Variants in CNTFR observed in about 807,000 individuals in gnomAD.
CNTFR encodes the protein ciliary neurotrophic factor receptor subunit alpha.
Under a neutral mutation model 40.4 loss-of-function variants are expected in CNTFR, and 12 were observed. The ratio of observed to expected loss-of-function variants is 0.30; its 90% CI spans 0.19 to 0.48. CNTFR has a LOEUF of 0.48. Among genes scored for constraint, CNTFR ranks in the 20% least tolerant of loss-of-function variants. The probability of loss-of-function intolerance (pLI) is 0.99; values close to 1 mark genes in which losing one functional copy is unlikely to be tolerated. For missense variants in CNTFR, 414 were observed against 506.8 expected (o/e 0.82, Z 1.76); for synonymous variants, 202 against 209.6 (o/e 0.96, Z 0.31).
At chr9:34,577,433 C>T (rs1564072638) in intron 2 of CNTFR, among the ~76,000 whole-genome samples, 1 of 152,184 alleles carries the variant, frequency 6.6e-6, no homozygotes, top group East Asian at 1.9e-4. Flanking sequence ...GTAAGGAAAC[C>T]AGGTGACAGG....
chr9:34,553,362 C>G (rs1825712249), intron 7 of CNTFR, among the ~76,000 whole-genome samples: 1 of 152,158 alleles, frequency 6.6e-6, no homozygotes. Context: ...AGTGAGGTGA[C>G]CAAGTTACTT....
intron 2 of CNTFR, among the ~76,000 whole-genome samples, chr9:34,574,196 C>T (rs1329475250): frequency 6.6e-6 from 1 of 152,068 alleles, no homozygotes; most frequent in Non-Finnish European, 1.5e-5. Context: ...CCGGCAGGCC[C>T]CTCACCAGGG....
chr9:34,576,270 C>T (rs1826956918), intron 2 of CNTFR, among the ~76,000 whole-genome samples: 1 of 152,204 alleles, frequency 6.6e-6, no homozygotes, highest in South Asian at 2.1e-4. Flanking sequence ...GGTGTGCGTG[C>T]ACACATTACA....
At chr9:34,584,662 G>A (rs150873438) in intron 1 of CNTFR, among the ~76,000 whole-genome samples, 19 of 152,308 alleles carry the variant, frequency 1.2e-4, no homozygotes, top group African/African-American at 3.8e-4. Context: ...CCATTCCCCC[G>A]AGGGAATTTC....
intron 1 of CNTFR, among the ~76,000 whole-genome samples, chr9:34,581,986 C>T (rs1194196844): frequency 6.6e-6 from 1 of 152,188 alleles, no homozygotes; most frequent in Non-Finnish European, 1.5e-5. Flanking sequence ...TCAAAACAAG[C>T]TTCAAGGCCA....
At chr9:34,582,276 CAAAAAAAAAAAAA>C in intron 1 of CNTFR, 1 of 126,548 alleles carries the variant, frequency 7.9e-6, no homozygotes, top group Admixed American at 7.9e-5. Context: ...AACCCTATGG[CAAAAAAAAAAAAA>C]AAAAAAAACA....
intron 2 of CNTFR, among the ~76,000 whole-genome samples, chr9:34,579,221 G>C (rs762280246): frequency 6.6e-6 from 1 of 152,108 alleles, no homozygotes; most frequent in African/African-American, 2.4e-5. Context: ...GGGCTGGAAC[G>C]GGGGAGGGAG....
intron 2 of CNTFR, among the ~76,000 whole-genome samples, chr9:34,573,556 C>T (rs1175997341): frequency 6.6e-6 from 1 of 152,194 alleles, no homozygotes; most frequent in African/African-American, 2.4e-5. Context: ...ATGGACTCCC[C>T]CCATTGCCAG....
chr9:34,576,860 C>T (rs1826991385), intron 2 of CNTFR, among the ~76,000 whole-genome samples: 1 of 152,212 alleles, frequency 6.6e-6, no homozygotes. Context: ...CTGTGTGATC[C>T]CAAGGCCTCT....
intron 1 of CNTFR, among the ~76,000 whole-genome samples, chr9:34,588,008 C>T (rs6476455): frequency 0.58 from 87,681 of 151,928 alleles, 25,968 homozygotes; most frequent in African/African-American, 0.71. Flanking sequence ...CTAGAAGGAG[C>T]TGAAGTGTCC....
chr9:34,579,216 G>A (rs1431882558), intron 2 of CNTFR, among the ~76,000 whole-genome samples: 1 of 152,132 alleles, frequency 6.6e-6, no homozygotes, highest in Admixed American at 6.5e-5. Context: ...AAAAGGGGCT[G>A]GAACGGGGGA....
intron 2 of CNTFR, 48 bp from the exon 3 acceptor site, chr9:34,569,029 A>C: frequency 6.7e-7 from 1 of 1,503,088 alleles, no homozygotes; most frequent in Admixed American, 1.9e-5. Flanking sequence ...CAGCCCAGGC[A>C]GGACTGTCCT....
intron 2 of CNTFR, among the ~76,000 whole-genome samples, chr9:34,574,338 C>T (rs1249036042): frequency 6.6e-6 from 1 of 152,210 alleles, no homozygotes; most frequent in African/African-American, 2.4e-5. Flanking sequence ...TCTCTTTTCC[C>T]TCCTCTCTGA....
intron 2 of CNTFR, among the ~76,000 whole-genome samples, chr9:34,578,130 G>T (rs1208523722): frequency 6.6e-6 from 1 of 151,808 alleles, no homozygotes; most frequent in African/African-American, 2.4e-5. Flanking sequence ...GACCCGGGAG[G>T]CAGAAGCAAC....
At chr9:34,585,850 C>T (rs11790474) in intron 1 of CNTFR, among the ~76,000 whole-genome samples, 26,786 of 151,606 alleles carry the variant, frequency 0.18, 2,710 homozygotes, top group Non-Finnish European at 0.23. Flanking sequence ...CCAAACCAAG[C>T]ACACATGGTC....
chr9:34,564,842 G>C lies in CNTFR; in HGVS notation c.86-10C>G, dbSNP rs573942894. Reference sequence around the variant, plus strand: ...TGCACATGGGGTGCCTCTGTGGGGGGTGGGGGCACAGGGCAAAAGTCACAG... The same window carrying C: ...TGCACATGGGGTGCCTCTGTGGGGGCTGGGGGCACAGGGCAAAAGTCACAG... On this transcript the variant is annotated splice_polypyrimidine_tract_variant and intron_variant, in intron 3 of 9. Coordinates refer to ENST00000378980, the MANE Select transcript of CNTFR (RefSeq NM_147164.3). The C allele has an allele frequency of 8.7e-6, 14 of 1,611,320 alleles. No individual in the cohort carries two copies. The highest frequency in any genetic ancestry group is 1.2e-5 in the Non-Finnish European group (14 of 1,179,080).
intron 2 of CNTFR, among the ~76,000 whole-genome samples, chr9:34,576,249 C>T (rs1190758113): frequency 1.3e-5 from 2 of 152,222 alleles, no homozygotes; most frequent in Non-Finnish European, 2.9e-5. Flanking sequence ...TCCCACAGCC[C>T]CGTACACGCT....
chr9:34,579,912 AG>A (rs1431067240), intron 2 of CNTFR, among the ~76,000 whole-genome samples: 1 of 152,114 alleles, frequency 6.6e-6, no homozygotes, highest in African/African-American at 2.4e-5. Context: ...AAGCTGCCTC[AG>A]CCTGAGCCCC....
chr9:34,575,314 C>T (rs1280119990), intron 2 of CNTFR, among the ~76,000 whole-genome samples: 2 of 152,092 alleles, frequency 1.3e-5, no homozygotes, highest in Admixed American at 1.3e-4. Context: ...CTGTGGGGAG[C>T]GGGGTACTGC....
Sources: allele counts gnomAD v4.1 joint callset (sites outside exome capture counted in the v4.1 genomes callset), GRCh38; gene constraint gnomAD v4.1.1; transcripts MANE v1.5; gene names NCBI Gene and HGNC (gene_info 2026-07-23, HGNC 2026-07-21).